Variants in BBS9 observed in about 807,000 individuals in gnomAD.
BBS9 encodes the protein protein PTHB1.
A neutral mutation model predicts 117.7 loss-of-function variants in BBS9; 89 were observed. That is an observed-to-expected ratio of 0.76 (90% confidence interval 0.64 to 0.90). The LOEUF (loss-of-function observed/expected upper bound fraction) is 0.90, where lower values mean the gene tolerates loss of function less well. Among genes scored for constraint, BBS9 ranks in the 40% least tolerant of loss-of-function variants. The pLI, the probability that BBS9 is intolerant of heterozygous loss-of-function variation, is 0.00. For missense variants in BBS9, 982 were observed against 1,042.2 expected, an observed-to-expected ratio of 0.94 and a Z score of 0.80; for synonymous variants, 379 against 370.9, an observed-to-expected ratio of 1.02 and a Z score of -0.25.
intron 19 of BBS9, among the ~76,000 whole-genome samples, chr7:33,404,784 C>A (rs1829611001): frequency 6.6e-6 from 1 of 152,070 alleles, no homozygotes; most frequent in Non-Finnish European, 1.5e-5. Flanking sequence ...GTCATGTCGT[C>A]TGCAAACAGG....
chr7:33,504,635 C>T (rs1845899067), intron 19 of BBS9, among the ~76,000 whole-genome samples: 1 of 152,140 alleles, frequency 6.6e-6, no homozygotes, highest in Non-Finnish European at 1.5e-5. Context: ...GCCTCTGCGG[C>T]AGTCAGTTCA....
At chr7:33,576,774 T>C (rs1484612802) in intron 21 of BBS9, among the ~76,000 whole-genome samples, 1 of 152,212 alleles carries the variant, frequency 6.6e-6, no homozygotes. Context: ...TCATCTGATC[T>C]TTGACAAACC....
intron 9 of BBS9, among the ~76,000 whole-genome samples, chr7:33,321,728 T>C (rs1811750204): frequency 6.6e-6 from 1 of 152,048 alleles, no homozygotes; most frequent in Non-Finnish European, 1.5e-5. Flanking sequence ...TCTTGTTGAA[T>C]TGGTAGGTAG....
At chr7:33,419,283 A>G (rs1290363002) in intron 19 of BBS9, among the ~76,000 whole-genome samples, 2 of 152,210 alleles carry the variant, frequency 1.3e-5, no homozygotes, top group Admixed American at 6.5e-5. Flanking sequence ...TTGAAGTTTT[A>G]ATTAAAATTG....
chr7:33,237,826 A>G lies in BBS9; in HGVS notation c.443-19410A>G, dbSNP rs1375459680. On this transcript the variant is annotated intron_variant, in intron 5 of 22. Coordinates refer to ENST00000242067, the MANE Select transcript of BBS9 (RefSeq NM_198428.3). ...GCTTCTCAGTAATGGATGCTTATTCAAACTTTTACTCTTGTGACAATCAAG... is the reference window on the plus strand; with the variant it reads ...GCTTCTCAGTAATGGATGCTTATTCGAACTTTTACTCTTGTGACAATCAAG... Among the ~76,000 whole-genome samples, 2 of 152,200 alleles carry G rather than the reference A, an allele frequency of 1.3e-5. 1 individual carries two copies. The highest frequency in any genetic ancestry group is 2.9e-5 in the Non-Finnish European group (2 of 68,042).
intron 15 of BBS9, among the ~76,000 whole-genome samples, chr7:33,354,364 A>G (rs1819248524): frequency 6.6e-6 from 1 of 152,120 alleles, no homozygotes; most frequent in African/African-American, 2.4e-5. Context: ...ATGTGGAAAA[A>G]GAGAGGCAAA....
intron 5 of BBS9, among the ~76,000 whole-genome samples, chr7:33,235,091 G>A (rs1793231780): frequency 6.6e-6 from 1 of 152,074 alleles, no homozygotes; most frequent in African/African-American, 2.4e-5. Flanking sequence ...GGATTCTATT[G>A]GTTATCTGAG....
intron 20 of BBS9, among the ~76,000 whole-genome samples, chr7:33,518,405 T>C (rs1170242270): frequency 6.6e-6 from 1 of 151,758 alleles, no homozygotes; most frequent in Admixed American, 6.6e-5. Flanking sequence ...CGTGCGCCAC[T>C]ACGCCCAGCT....
chr7:33,409,423 C>T (rs192508357), intron 19 of BBS9, among the ~76,000 whole-genome samples: 4 of 152,198 alleles, frequency 2.6e-5, no homozygotes, highest in Admixed American at 6.5e-5. Context: ...AGTCTCTTCC[C>T]CATGCTTATT....
At chr7:33,319,947 CAT>C (rs1811347874) in intron 9 of BBS9, among the ~76,000 whole-genome samples, 1 of 152,080 alleles carries the variant, frequency 6.6e-6, no homozygotes, top group Admixed American at 6.6e-5. Flanking sequence ...TGGCCACAAA[CAT>C]ATAAAAAAGT....
At chr7:33,172,815 T>C (rs1796797390) in intron 4 of BBS9, among the ~76,000 whole-genome samples, 1 of 152,216 alleles carries the variant, frequency 6.6e-6, no homozygotes, top group South Asian at 2.1e-4. Context: ...AAATATTGTA[T>C]CATCATTTGT....
chr7:33,306,471 T>A (rs536773605), intron 9 of BBS9, among the ~76,000 whole-genome samples: 1 of 152,252 alleles, frequency 6.6e-6, no homozygotes, highest in South Asian at 2.1e-4. Context: ...ACTTTATGAT[T>A]TAAAATATGA....
chr7:33,351,500 G>T, intron 14 of BBS9, 177 bp downstream of exon 14: 1 of 640,564 alleles, frequency 1.6e-6, no homozygotes, highest in East Asian at 2.9e-5. Flanking sequence ...TTCGTGATAA[G>T]GCTATTTAGC....
intron 19 of BBS9, among the ~76,000 whole-genome samples, chr7:33,425,583 G>T (rs1165492893): frequency 6.6e-6 from 1 of 152,094 alleles, no homozygotes; most frequent in Non-Finnish European, 1.5e-5. Context: ...GCACATTTTT[G>T]AGAGACAGTC....
At chr7:33,499,975 G>C (rs1472147567) in intron 19 of BBS9, among the ~76,000 whole-genome samples, 1 of 152,146 alleles carries the variant, frequency 6.6e-6, no homozygotes, top group Non-Finnish European at 1.5e-5. Context: ...CACTAAAGGA[G>C]CAGGCCTAGA....
chr7:33,144,110 A>C (rs1370918761), intron 1 of BBS9, among the ~76,000 whole-genome samples: 3 of 152,180 alleles, frequency 2.0e-5, no homozygotes, highest in African/African-American at 7.2e-5. Flanking sequence ...AAGTACAGAG[A>C]TGTTCAGTAA....
intron 17 of BBS9, among the ~76,000 whole-genome samples, chr7:33,372,151 G>C (rs1195277390): frequency 6.6e-6 from 1 of 152,168 alleles, no homozygotes; most frequent in African/African-American, 2.4e-5. Context: ...GAATGGATCA[G>C]ATATTGAGAA....
At chr7:33,279,865 T>A (rs1484498551) in intron 9 of BBS9, among the ~76,000 whole-genome samples, 1 of 152,230 alleles carries the variant, frequency 6.6e-6, no homozygotes, top group Non-Finnish European at 1.5e-5. Context: ...GTTTCTCAAG[T>A]GGCAAATAAA....
intron 19 of BBS9, among the ~76,000 whole-genome samples, chr7:33,483,283 A>C (rs1187961217): frequency 1.3e-5 from 2 of 152,164 alleles, no homozygotes; most frequent in African/African-American, 2.4e-5. Context: ...CTTTGTACTC[A>C]TTACACTCAA....
Sources: gnomAD v4.1 joint callset for allele counts (sites outside exome capture counted in the v4.1 genomes callset) on GRCh38, gnomAD v4.1.1 for gene constraint, MANE v1.5 for transcripts, NCBI Gene and HGNC (gene_info 2026-07-23, HGNC 2026-07-21) for gene names.